TLE1: variants seen among roughly 807,000 people sequenced by gnomAD.
TLE1 encodes the protein transducin-like enhancer protein 1.
TLE1 carries 21 observed loss-of-function variants against 89.8 expected under a neutral mutation model. The observed-to-expected ratio is 0.23, with a 90% confidence interval of 0.17 to 0.34. The LOEUF (loss-of-function observed/expected upper bound fraction) is 0.34. Ranked by LOEUF, TLE1 falls within the 10% of genes least tolerant of loss-of-function variation. The pLI, the probability that TLE1 is intolerant of heterozygous loss-of-function variation, is 1.00. For missense variants in TLE1, 795 were observed against 1,031.2 expected, an observed-to-expected ratio of 0.77 and a Z score of 3.14; for synonymous variants, 447 against 407.6, an observed-to-expected ratio of 1.10 and a Z score of -1.16.
At chr9:81,686,827 C>T (rs1223326969) in intron 2 of TLE1, among the ~76,000 whole-genome samples, 1 of 152,216 alleles carries the variant, frequency 6.6e-6, no homozygotes, top group Non-Finnish European at 1.5e-5. Context: ...GGTGAGCTTT[C>T]TTCTTTATAC....
At chr9:81,684,893 A>G (rs1834071908) in intron 4 of TLE1, among the ~76,000 whole-genome samples, 1 of 152,200 alleles carries the variant, frequency 6.6e-6, no homozygotes, top group Non-Finnish European at 1.5e-5. Flanking sequence ...CTTTGGGCTG[A>G]GCAATCATTT....
At chr9:81,638,916 C>A (rs1005126673) in intron 6 of TLE1, among the ~76,000 whole-genome samples, 1 of 151,514 alleles carries the variant, frequency 6.6e-6, no homozygotes, top group South Asian at 2.1e-4. Flanking sequence ...TGCGCCACCA[C>A]ACCAGCCGAT....
chr9:81,586,385 C>T (rs553502343), intron 17 of TLE1, among the ~76,000 whole-genome samples: 9 of 152,122 alleles, frequency 5.9e-5, no homozygotes, highest in East Asian at 1.9e-4. Context: ...TGGAGCCTAT[C>T]GCTTGTAGGC....
intron 6 of TLE1, among the ~76,000 whole-genome samples, chr9:81,642,768 C>T (rs1461416052): frequency 6.6e-6 from 1 of 152,120 alleles, no homozygotes. Flanking sequence ...ATCAAAGATA[C>T]ATCTGCAATC....
rs61733323 is a variant in TLE1, at chr9:81,613,389, C to T, written c.1051G>A (p.Val351Ile). The change falls in exon 12 of 20, where the codon GTT becomes ATT. Residue 351 changes from valine to isoleucine, a missense_variant. Val to Ile is a conservative substitution (Grantham distance 29). Coordinates refer to ENST00000376499, the MANE Select transcript of TLE1 (RefSeq NM_005077.5). ...GGCGATGCTGTACCCGCTTGGTTAA[C>T]GAGGGGGTCTATGGCTGGAGGCTTG... Reference protein sequence around the residue: ...LGKPPAIDPLVNQAAAGLRTP... With the variant: ...LGKPPAIDPLINQAAAGLRTP... 1.2e-5 allele frequency: 20 copies of T among 1,613,796 alleles called. No homozygotes were observed. The highest frequency in any genetic ancestry group is 1.6e-4 in the Middle Eastern group (1 of 6,080).
At position 81,634,065 on chromosome 9, in the gene TLE1, A is replaced by G. The variant is rs1360583575; in HGVS notation, c.577+32T>C. The G allele has an allele frequency of 2.1e-5, 33 of 1,584,556 alleles. 1 individual carries two copies. The East Asian group carries it at 7.5e-4, about 36-fold the overall frequency. On this transcript the variant is annotated intron_variant, in intron 7 of 19. Transcript: ENST00000376499. The stretch of plus-strand genomic sequence containing the variant: ...TGCAGCACTGTAAGAGTATGAGGAC[A>G]AAGTCCTAATCTGGCTTGCCCGGCC...
chr9:81,652,498 G>C (rs189619278), intron 5 of TLE1, among the ~76,000 whole-genome samples: 1 of 152,132 alleles, frequency 6.6e-6, no homozygotes, highest in African/African-American at 2.4e-5. Flanking sequence ...AACAACACCA[G>C]TCACTACTTC....
At position 81,584,196 on chromosome 9, in the gene TLE1, T is replaced by G; in HGVS notation, c.*2A>C. The G allele has an allele frequency of 6.2e-7, 1 of 1,612,368 alleles. No individual in the cohort carries two copies. The highest frequency in any genetic ancestry group is 8.5e-7 in the Non-Finnish European group (1 of 1,178,338). On this transcript the variant is annotated 3_prime_UTR_variant, in exon 20 of 20. Transcript: ENST00000376499. ...CTATAAACGTTAAACCACATAATGTTTTCAGTAGATGACTTCATAGACTGT... is the reference window on the plus strand; with the variant it reads ...CTATAAACGTTAAACCACATAATGTGTTCAGTAGATGACTTCATAGACTGT...
chr9:81,685,813 G>T lies in TLE1; in HGVS notation c.189+20C>A. The T allele has an allele frequency of 6.2e-7, 1 of 1,613,852 alleles. No individual in the cohort carries two copies. The highest frequency in any genetic ancestry group is 8.5e-7 in the Non-Finnish European group (1 of 1,179,840). On this transcript the variant is annotated intron_variant, in intron 3 of 19. Coordinates refer to ENST00000376499, the MANE Select transcript of TLE1 (RefSeq NM_005077.5). ...CTAATATCATATGAAAAAGGAAAAA[G>T]TCCAATCTTTGATACCTACCATCAC... is the stretch of plus-strand genomic sequence containing the variant.
At chr9:81,638,157 G>C (rs1588074221) in intron 6 of TLE1, among the ~76,000 whole-genome samples, 1 of 152,286 alleles carries the variant, frequency 6.6e-6, no homozygotes, top group East Asian at 1.9e-4. Flanking sequence ...TAATGGCAGT[G>C]ACGGGGGAGT....
chr9:81,674,589 G>A (rs1385453427), intron 4 of TLE1, among the ~76,000 whole-genome samples: 2 of 152,058 alleles, frequency 1.3e-5, no homozygotes, highest in Non-Finnish European at 2.9e-5. Flanking sequence ...CTTACCTATC[G>A]TTGCTAACAA....
chr9:81,658,053 G>A (rs1256224965), intron 4 of TLE1, among the ~76,000 whole-genome samples: 1 of 151,486 alleles, frequency 6.6e-6, no homozygotes, highest in African/African-American at 2.4e-5. Context: ...TGGGATTACA[G>A]GCACGTGCCA....
intron 4 of TLE1, among the ~76,000 whole-genome samples, chr9:81,669,940 C>G (rs1276507747): frequency 6.6e-6 from 1 of 152,184 alleles, no homozygotes; most frequent in African/African-American, 2.4e-5. Context: ...AACATCGTGT[C>G]AAGCTAAGAT....
intron 14 of TLE1, chr9:81,599,988 C>T: frequency 1.6e-6 from 1 of 628,234 alleles, no homozygotes; most frequent in South Asian, 2.0e-5. Flanking sequence ...AAACAGATGA[C>T]CTAAGTTGAT....
Position 81,613,498 on chromosome 9 carries a change from A to T in TLE1, c.942T>A (p.Val314=). 1 of 1,614,196 alleles carries T rather than the reference A, an allele frequency of 6.2e-7. No individual in the cohort carries two copies. Among genetic ancestry groups the T allele is most frequent in the Non-Finnish European group, 8.5e-7 (1 of 1,180,042 alleles). ...MSLHEKASTP[V]LKSSTPTPRS... ...GAGGCGTTGGTGTGCTGGATTTCAGAACAGGCGTGCTGGCTTTTTCATGCT... is the reference window on the plus strand; with the variant it reads ...GAGGCGTTGGTGTGCTGGATTTCAGTACAGGCGTGCTGGCTTTTTCATGCT... The change falls in exon 12 of 20, where the codon GTT becomes GTA. Residue 314 remains valine (V), a synonymous_variant. Transcript: ENST00000376499.
Position 81,587,825 on chromosome 9 carries a change from T to C in TLE1, c.1833A>G (p.Gln611=). 2 of 1,613,810 alleles carry C rather than the reference T, an allele frequency of 1.2e-6. No homozygotes were observed. Among genetic ancestry groups the C allele is most frequent in the Non-Finnish European group, 1.7e-6 (2 of 1,179,942 alleles). Residue 611 remains glutamine, a synonymous_variant, in exon 17 of 20, where the codon CAA becomes CAG. Coordinates refer to ENST00000376499, the MANE Select transcript of TLE1 (RefSeq NM_005077.5). ...TGGCTCCGTCTGTGTGGCCCTGGAA[T>C]TGCCTGATAAAACAAACCAGATTGA... ...WDLHNQTLVR[Q]FQGHTDGASC... is the part of the protein sequence containing the mutation.
At chr9:81,687,612 G>C (rs1014700017) in intron 1 of TLE1, among the ~76,000 whole-genome samples, 178 bp from the exon 2 acceptor site, 1 of 152,236 alleles carries the variant, frequency 6.6e-6, no homozygotes, top group South Asian at 2.1e-4. Flanking sequence ...GACCCTCCCC[G>C]GGCCCCGGCT....
intron 6 of TLE1, among the ~76,000 whole-genome samples, chr9:81,647,218 G>A (rs557873587): frequency 7.9e-5 from 12 of 152,256 alleles, no homozygotes; most frequent in East Asian, 3.9e-4. Flanking sequence ...GTCATCTGAC[G>A]ATGTCTTCTA....
At chr9:81,601,453 T>A (rs149283987) in intron 14 of TLE1, among the ~76,000 whole-genome samples, 1 of 152,130 alleles carries the variant, frequency 6.6e-6, no homozygotes, top group African/African-American at 2.4e-5. Context: ...CATTAAAACA[T>A]AGGGTGAAAG....
Sources: gnomAD v4.1 joint callset for allele counts (sites outside exome capture counted in the v4.1 genomes callset) on GRCh38, gnomAD v4.1.1 for gene constraint, MANE v1.5 for transcripts, NCBI Gene and HGNC (gene_info 2026-07-23, HGNC 2026-07-21) for gene names.